DOK6: variants seen among roughly 807,000 people sequenced by gnomAD.
DOK6 encodes the protein downstream of tyrosine kinase 6.
In DOK6, 22 loss-of-function variants were observed where a neutral mutation model predicts 44.0. That is an observed-to-expected ratio of 0.50 (90% CI 0.36 to 0.71). The LOEUF (loss-of-function observed/expected upper bound fraction) is 0.71. Among genes scored for constraint, DOK6 ranks in the 30% least tolerant of loss-of-function variants. The pLI, the probability that DOK6 is intolerant of heterozygous loss-of-function variation, is 0.00. For synonymous variants in DOK6, 166 were observed against 145.5 expected, an observed-to-expected ratio of 1.14 and a Z score of -1.01; for missense variants, 340 against 416.4, an observed-to-expected ratio of 0.82 and a Z score of 1.60.
chr18:69,641,910 C>A (rs1984951750), intron 3 of DOK6, among the ~76,000 whole-genome samples: 1 of 152,210 alleles, frequency 6.6e-6, no homozygotes, highest in Non-Finnish European at 1.5e-5. Context: ...TCTCTCCAGC[C>A]ACCCTCATTT....
intron 5 of DOK6, among the ~76,000 whole-genome samples, chr18:69,719,742 C>T (rs1986964464): frequency 6.6e-6 from 1 of 152,180 alleles, no homozygotes; most frequent in Admixed American, 6.5e-5. Context: ...TTGGCCTATT[C>T]TCAGGCATGA....
At chr18:69,610,857 T>C (rs1984121683) in intron 3 of DOK6, among the ~76,000 whole-genome samples, 1 of 152,148 alleles carries the variant, frequency 6.6e-6, no homozygotes, top group Non-Finnish European at 1.5e-5. Flanking sequence ...TGAGCATTCA[T>C]TGATTTTGGT....
chr18:69,751,083 T>C (rs1029000749), intron 6 of DOK6, among the ~76,000 whole-genome samples: 2 of 152,114 alleles, frequency 1.3e-5, no homozygotes, highest in Admixed American at 6.6e-5. Flanking sequence ...AAAGTAGAAA[T>C]GTGGCTACAA....
At chr18:69,481,852 G>C (rs1393317173) in intron 1 of DOK6, among the ~76,000 whole-genome samples, 4 of 152,144 alleles carry the variant, frequency 2.6e-5, no homozygotes, top group Non-Finnish European at 5.9e-5. Context: ...GAGTAAAAGT[G>C]TTCCTATTTC....
At chr18:69,611,949 T>TACACATACACAC (rs71176990) in intron 3 of DOK6, among the ~76,000 whole-genome samples, 21 of 150,192 alleles carry the variant, frequency 1.4e-4, no homozygotes, top group Admixed American at 4.6e-4. Flanking sequence ...ATATAAAACT[T>TACACATACACAC]ACACACACAC....
rs1982412526 is a variant in DOK6, at chr18:69,848,936, T to C, written c.*7553T>C. On this transcript the variant is annotated 3_prime_UTR_variant, in exon 8 of 8. Transcript: ENST00000382713. The stretch of plus-strand genomic sequence containing the variant: ...ACTGTAATATTACTTGGTTTTCTTA[T>C]ACTTTTGTTATCATGTGATGAAATG... The C allele has an allele frequency of 6.6e-6, 1 of 152,244 alleles. No individual in the cohort carries two copies. Among genetic ancestry groups the C allele is most frequent in the Non-Finnish European group, 1.5e-5 (1 of 68,034 alleles). The allele number at this position is 152,244 out of a possible 1,614,324, so 9.4% of individuals were successfully genotyped here. A position where few individuals can be genotyped will look rare whatever the true frequency, so the allele number is the denominator to read the frequency against.
At chr18:69,562,390 A>T (rs545957303) in intron 1 of DOK6, among the ~76,000 whole-genome samples, 17 of 152,220 alleles carry the variant, frequency 1.1e-4, no homozygotes, top group African/African-American at 4.1e-4. Flanking sequence ...CCATTGGTCT[A>T]TATCTCTGTT....
At chr18:69,606,792 T>A (rs1232024305) in intron 3 of DOK6, among the ~76,000 whole-genome samples, 1 of 145,062 alleles carries the variant, frequency 6.9e-6, no homozygotes, top group Non-Finnish European at 1.5e-5. Context: ...ACAGAGTCTC[T>A]TTCTGTCGCC....
chr18:69,679,796 A>T (rs1986004797), intron 4 of DOK6, among the ~76,000 whole-genome samples: 1 of 152,228 alleles, frequency 6.6e-6, no homozygotes, highest in East Asian at 1.9e-4. Flanking sequence ...GGTTTATCAT[A>T]ATTTTATTTC....
intron 1 of DOK6, among the ~76,000 whole-genome samples, chr18:69,556,793 C>A (rs2144592253): frequency 6.6e-6 from 1 of 152,280 alleles, no homozygotes; most frequent in Admixed American, 6.5e-5. Context: ...TAAGATAGAG[C>A]AAAACTCATT....
chr18:69,636,089 A>G lies in DOK6; in HGVS notation c.289+36591A>G, dbSNP rs77078907. ...TAGGAATTCTGTAATGCAGACACCTAGAGATTTGGAATGAGTTCATGCCTT... is the reference window on the plus strand; with the variant it reads ...TAGGAATTCTGTAATGCAGACACCTGGAGATTTGGAATGAGTTCATGCCTT... On this transcript the variant is annotated intron_variant, in intron 3 of 7. Transcript: ENST00000382713. Among the ~76,000 whole-genome samples the G allele has an allele frequency of 8.5e-4, 130 of 152,314 alleles. 4 individuals are homozygous for G. In the East Asian group the frequency reaches 0.024, roughly 28 times the overall value.
intron 3 of DOK6, among the ~76,000 whole-genome samples, chr18:69,649,232 A>G (rs910048879): frequency 6.6e-6 from 1 of 152,238 alleles, no homozygotes; most frequent in African/African-American, 2.4e-5. Flanking sequence ...GGAAGGCTAT[A>G]TTCTATTCAT....
chr18:69,467,220 A>C (rs993068417), intron 1 of DOK6, among the ~76,000 whole-genome samples: 1 of 152,172 alleles, frequency 6.6e-6, no homozygotes, highest in Non-Finnish European at 1.5e-5. Flanking sequence ...ATTCTATTAT[A>C]GCTGCCTAAA....
intron 3 of DOK6, among the ~76,000 whole-genome samples, chr18:69,609,713 T>C (rs1984092871): frequency 6.6e-6 from 1 of 152,166 alleles, no homozygotes; most frequent in African/African-American, 2.4e-5. Context: ...CTTGAAGAGA[T>C]GTTAACACTC....
chr18:69,611,075 C>T (rs539374768), intron 3 of DOK6, among the ~76,000 whole-genome samples: 1 of 131,532 alleles, frequency 7.6e-6, no homozygotes, highest in South Asian at 2.8e-4. Flanking sequence ...TTTTTATGTA[C>T]CCATAAAAAT....
chr18:69,468,004 T>A (rs1456567432), intron 1 of DOK6, among the ~76,000 whole-genome samples: 1 of 152,160 alleles, frequency 6.6e-6, no homozygotes, highest in Non-Finnish European at 1.5e-5. Flanking sequence ...TGATTTAATT[T>A]TGAAGTTATT....
At chr18:69,435,734 CTTA>C (rs1307443829) in intron 1 of DOK6, among the ~76,000 whole-genome samples, 2 of 152,142 alleles carry the variant, frequency 1.3e-5, no homozygotes, top group South Asian at 2.1e-4. Context: ...GTATTTCCAA[CTTA>C]TTATTGTTTT....
chr18:69,621,612 T>C (rs1250987776), intron 3 of DOK6, among the ~76,000 whole-genome samples: 1 of 152,040 alleles, frequency 6.6e-6, no homozygotes, highest in Admixed American at 6.6e-5. Flanking sequence ...ATGGTGGTGA[T>C]TGAATTGAAA....
At chr18:69,814,679 T>A (rs1347470935) in intron 7 of DOK6, among the ~76,000 whole-genome samples, 1 of 152,134 alleles carries the variant, frequency 6.6e-6, no homozygotes, top group African/African-American at 2.4e-5. Flanking sequence ...AAGCAAGGCA[T>A]GTCTTCTCAT....
Sources: allele counts gnomAD v4.1 joint callset (sites outside exome capture counted in the v4.1 genomes callset), GRCh38; gene constraint gnomAD v4.1.1; transcripts MANE v1.5; gene names NCBI Gene and HGNC (gene_info 2026-07-23, HGNC 2026-07-21).